Variants in TMCO5A observed in about 807,000 individuals in gnomAD.
The protein encoded by TMCO5A is transmembrane and coiled-coil domains 5A.
A neutral mutation model predicts 42.3 loss-of-function variants in TMCO5A; 34 were observed. That is an observed-to-expected ratio of 0.80 (90% CI 0.61 to 1.07). The LOEUF (loss-of-function observed/expected upper bound fraction) is 1.07, where lower values mean the gene tolerates loss of function less well. Ranked by LOEUF, TMCO5A falls within the 50% of genes least tolerant of loss-of-function variation. The probability of loss-of-function intolerance (pLI) is 0.00; values close to 1 mark genes in which losing one functional copy is unlikely to be tolerated. For missense variants in TMCO5A, 357 were observed against 327.9 expected, an observed-to-expected ratio of 1.09 and a Z score of -0.69; for synonymous variants, 131 against 115.6, an observed-to-expected ratio of 1.13 and a Z score of -0.86.
At chr15:37,943,224 G>A in intron 9 of TMCO5A, 117 bp from the exon 10 acceptor site, 1 of 847,102 alleles carries the variant, frequency 1.2e-6, no homozygotes, top group East Asian at 2.8e-5. Context: ...GTAGACAGTA[G>A]TTACAATATT....
the TMCO5A span, among the ~76,000 whole-genome samples, chr15:37,989,154 A>T: frequency 3.3e-5 from 5 of 151,940 alleles, no homozygotes; most frequent in Non-Finnish European, 7.4e-5. Flanking sequence ...AATCCTTTTA[A>T]TTTTTGTAGC....
intron 11 of TMCO5A, among the ~76,000 whole-genome samples, chr15:37,966,387 T>A (rs1403061828): frequency 6.6e-6 from 1 of 152,130 alleles, no homozygotes; most frequent in East Asian, 1.9e-4. Flanking sequence ...GTATAATTGG[T>A]TTGTAAATAC....
the TMCO5A span, among the ~76,000 whole-genome samples, chr15:37,975,978 C>T: frequency 5.9e-5 from 1 of 17,038 alleles, no homozygotes; most frequent in African/African-American, 3.2e-4. Context: ...CATGGGGCCT[C>T]ACGCCTGTAA....
the TMCO5A span, among the ~76,000 whole-genome samples, chr15:37,989,647 G>T: frequency 6.6e-6 from 1 of 151,922 alleles, no homozygotes; most frequent in Non-Finnish European, 1.5e-5. Flanking sequence ...ACTATAGTTA[G>T]GGAAGAGGAT....
the TMCO5A span, among the ~76,000 whole-genome samples, chr15:38,013,646 C>T: frequency 1.3e-5 from 2 of 152,168 alleles, no homozygotes; most frequent in Non-Finnish European, 2.9e-5. Context: ...GTCTATGGAA[C>T]ATTTTGAGTT....
At chr15:37,942,478 C>T (rs1225701787) in intron 9 of TMCO5A, 2 of 501,192 alleles carry the variant, frequency 4.0e-6, no homozygotes, top group East Asian at 5.9e-5. Context: ...AACACATCTC[C>T]CTTCGTAATG....
At chr15:38,033,456 CAT>C in the TMCO5A span, among the ~76,000 whole-genome samples, 4 of 152,194 alleles carry the variant, frequency 2.6e-5, no homozygotes, top group South Asian at 2.1e-4. Context: ...CACCTAGAAA[CAT>C]ATGAGAATTT....
the TMCO5A span, among the ~76,000 whole-genome samples, chr15:37,990,074 T>C: frequency 3.9e-5 from 6 of 152,130 alleles, no homozygotes; most frequent in African/African-American, 1.4e-4. Flanking sequence ...ATGTTCCATA[T>C]GAACCTGAGA....
In TMCO5A at chr15:37,946,208, T is replaced by C. The variant is rs1298313540; in HGVS notation, c.628-1448T>C. ...AGCAGTGTTATTTCTGAGTTTTCTA[T>C]TTCATTGGTCTATGTGTCTGTTTTT... On this transcript the variant is annotated intron_variant, in intron 10 of 11. Coordinates refer to ENST00000319669, the MANE Select transcript of TMCO5A (RefSeq NM_152453.4). Among the ~76,000 whole-genome samples, 4 of 152,140 alleles carry C rather than the reference T, an allele frequency of 2.6e-5. No homozygotes were observed. In the South Asian group the frequency reaches 6.2e-4, roughly 24 times the overall value.
chr15:38,011,903 T>A, the TMCO5A span, among the ~76,000 whole-genome samples: 5 of 151,994 alleles, frequency 3.3e-5, 1 homozygote, highest in Non-Finnish European at 7.4e-5. Flanking sequence ...GGCGGGCAGA[T>A]CACAAGGTCA....
chr15:37,964,470 T>C (rs947724524), intron 11 of TMCO5A, among the ~76,000 whole-genome samples: 1 of 152,060 alleles, frequency 6.6e-6, no homozygotes, highest in Non-Finnish European at 1.5e-5. Flanking sequence ...TGCTGTTTTT[T>C]TTTCTTGAAG....
chr15:37,965,206 C>T (rs1890528678), intron 11 of TMCO5A, among the ~76,000 whole-genome samples: 1 of 152,098 alleles, frequency 6.6e-6, no homozygotes. Flanking sequence ...AACTGGATAT[C>T]CATATGCAGA....
At chr15:38,030,493 C>T in the TMCO5A span, among the ~76,000 whole-genome samples, 1 of 152,200 alleles carries the variant, frequency 6.6e-6, no homozygotes, top group African/African-American at 2.4e-5. Flanking sequence ...CTGCCAGCCT[C>T]CAGGTTTGCT....
chr15:38,032,002 C>T, the TMCO5A span, among the ~76,000 whole-genome samples: 1 of 151,674 alleles, frequency 6.6e-6, no homozygotes, highest in South Asian at 2.1e-4. Context: ...GTCGCCCAGG[C>T]TGGAGTGCAA....
chr15:38,017,644 A>T, the TMCO5A span, among the ~76,000 whole-genome samples: 1 of 152,166 alleles, frequency 6.6e-6, no homozygotes, highest in Non-Finnish European at 1.5e-5. Context: ...GCTTACCATT[A>T]AAACATCCTA....
the TMCO5A span, among the ~76,000 whole-genome samples, chr15:38,030,053 T>C: frequency 6.6e-6 from 1 of 152,158 alleles, no homozygotes; most frequent in Non-Finnish European, 1.5e-5. Flanking sequence ...TCTGAGGAAA[T>C]GTTTAATTTC....
chr15:38,017,474 C>G, the TMCO5A span, among the ~76,000 whole-genome samples: 1 of 151,996 alleles, frequency 6.6e-6, no homozygotes, highest in South Asian at 2.1e-4. Context: ...CGGAGAGGAG[C>G]CAGAGAAATG....
chr15:37,957,756 G>A (rs1890326951), intron 11 of TMCO5A, among the ~76,000 whole-genome samples: 1 of 151,736 alleles, frequency 6.6e-6, no homozygotes, highest in East Asian at 1.9e-4. Flanking sequence ...ATTTCATATG[G>A]AACCAAAAAA....
At chr15:37,946,772 T>C (rs977809199) in intron 10 of TMCO5A, among the ~76,000 whole-genome samples, 8 of 152,144 alleles carry the variant, frequency 5.3e-5, no homozygotes, top group African/African-American at 1.2e-4. Flanking sequence ...TGGGGTTTTC[T>C]AGATATAGGA....
Sources: gnomAD v4.1 joint callset for allele counts (sites outside exome capture counted in the v4.1 genomes callset) on GRCh38, gnomAD v4.1.1 for gene constraint, MANE v1.5 for transcripts, NCBI Gene and HGNC (gene_info 2026-07-23, HGNC 2026-07-21) for gene names.